SLC27A4: variants seen among roughly 807,000 people sequenced by gnomAD.
SLC27A4 encodes the protein solute carrier family 27 member 4.
Under a neutral mutation model 64.4 loss-of-function variants are expected in SLC27A4, and 33 were observed. The ratio of observed to expected loss-of-function variants is 0.51; its 90% CI spans 0.39 to 0.68. The LOEUF (loss-of-function observed/expected upper bound fraction) is 0.68. Ranked by LOEUF, SLC27A4 falls within the 30% of genes least tolerant of loss-of-function variation. SLC27A4 has a pLI of 0.00. For missense variants in SLC27A4, 824 were observed against 883.5 expected, an observed-to-expected ratio of 0.93 and a Z score of 0.85; for synonymous variants, 377 against 370.0, an observed-to-expected ratio of 1.02 and a Z score of -0.22.
Position 128,353,443 on chromosome 9 carries a change from T to C in SLC27A4, c.1226T>C (p.Ile409Thr). The C allele has an allele frequency of 1.2e-6, 2 of 1,614,160 alleles. No individual in the cohort carries two copies. Among genetic ancestry groups the C allele is most frequent in the Non-Finnish European group, 1.7e-6 (2 of 1,180,046 alleles). Reference sequence around the variant, plus strand: ...GGGGCCTGTGGTTTCAATAGCCGCATCCTGTCCTTCGTGTACCCCATCCGG... The same window carrying C: ...GGGGCCTGTGGTTTCAATAGCCGCACCCTGTCCTTCGTGTACCCCATCCGG... ...QVGACGFNSR[I>T]LSFVYPIRLV... The change falls in exon 9 of 13, where the codon ATC (isoleucine) becomes ACC (threonine). Residue 409 changes from isoleucine to threonine, a missense_variant. Ile to Thr is a moderately conservative substitution (Grantham distance 89). Coordinates refer to ENST00000300456, the MANE Select transcript of SLC27A4 (RefSeq NM_005094.4). The surrounding 1 kb of genome is among the most constrained non-coding windows in gnomAD (Gnocchi z 4.9).
intron 7 of SLC27A4, 65 bp from the exon 8 acceptor site, chr9:128,352,960 C>G: frequency 7.1e-7 from 1 of 1,403,376 alleles, no homozygotes; most frequent in African/African-American, 1.4e-5. Context: ...CTTGAGGGAT[C>G]AGGAGAATCC....
intron 6 of SLC27A4, among the ~76,000 whole-genome samples, chr9:128,350,916 A>G (rs1194207573): frequency 1.3e-5 from 2 of 152,156 alleles, no homozygotes; most frequent in African/African-American, 2.4e-5. Context: ...ACACGGTGAA[A>G]CCCCGTCTCT....
At chr9:128,340,871 TG>T in intron 1 of SLC27A4, 33 bp downstream of exon 1, 1 of 605,148 alleles carries the variant, frequency 1.7e-6, no homozygotes, top group Non-Finnish European at 3.1e-6. Flanking sequence ...GGTTCCCGGG[TG>T]GGGACATGTG....
chr9:128,346,212 G>C (rs1275023455), intron 3 of SLC27A4, among the ~76,000 whole-genome samples: 1 of 150,420 alleles, frequency 6.6e-6, no homozygotes, highest in Non-Finnish European at 1.5e-5. Context: ...ACTAAAAAAA[G>C]TTTTTTGTTT....
chr9:128,359,420 T>C lies in SLC27A4; in HGVS notation c.1775-914T>C, dbSNP rs542457431. On this transcript the variant is annotated intron_variant, in intron 12 of 12. Coordinates refer to ENST00000300456, the MANE Select transcript of SLC27A4 (RefSeq NM_005094.4). ...GGGTGGATCATCTGAGATCAGGAGTTCGAGACCAGCCTGACCAACATGGTG... is the reference window on the plus strand; with the variant it reads ...GGGTGGATCATCTGAGATCAGGAGTCCGAGACCAGCCTGACCAACATGGTG... Among the ~76,000 whole-genome samples the C allele has an allele frequency of 4.1e-4, 62 of 152,172 alleles. 1 individual carries two copies. The highest frequency in any genetic ancestry group is 1.4e-3 in the African/African-American group (58 of 41,504).
intron 12 of SLC27A4, among the ~76,000 whole-genome samples, chr9:128,356,445 A>G (rs769733218): frequency 2.5e-4 from 38 of 152,372 alleles, no homozygotes; most frequent in Non-Finnish European, 4.7e-4. Context: ...CCAGAAGCCC[A>G]GGGCCTTGCA....
intron 1 of SLC27A4, 68 bp from the exon 2 acceptor site, chr9:128,343,055 GCTGT>G (rs1832600177): frequency 3.8e-6 from 6 of 1,577,416 alleles, no homozygotes; most frequent in Non-Finnish European, 5.2e-6. Flanking sequence ...CAGTGGCCTG[GCTGT>G]CTGGGCTGGG....
Position 128,360,621 on chromosome 9 carries a change from C to G in SLC27A4, c.*130C>G. 2 of 905,528 alleles carry G rather than the reference C, an allele frequency of 2.2e-6. No individual in the cohort carries two copies. Among genetic ancestry groups the G allele is most frequent in the South Asian group, 3.0e-5 (2 of 66,804 alleles). 56.1% of individuals were successfully genotyped at this position (905,528 alleles called of 1,614,324 possible). A position where few individuals can be genotyped will look rare whatever the true frequency, so the allele number is the denominator to read the frequency against. On this transcript the variant is annotated 3_prime_UTR_variant, in exon 13 of 13. Coordinates refer to ENST00000300456, the MANE Select transcript of SLC27A4 (RefSeq NM_005094.4). Reference sequence around the variant, plus strand: ...ACCTCCATCCTGAGGTGCTGCCCCTCCATCCAAAACTGCCAAGTGACTCAT... The same window carrying G: ...ACCTCCATCCTGAGGTGCTGCCCCTGCATCCAAAACTGCCAAGTGACTCAT...
Position 128,353,439 on chromosome 9 carries a change from C to T in SLC27A4, c.1222C>T (p.Arg408Cys), listed in dbSNP as rs375523225. 58 of 1,614,042 alleles carry T rather than the reference C, an allele frequency of 3.6e-5. No homozygotes were observed. Among genetic ancestry groups the T allele is most frequent in the Middle Eastern group, 1.6e-4 (1 of 6,082 alleles). Residue 408 changes from arginine to cysteine, a missense_variant, in exon 9 of 13, where the codon CGC becomes TGC. Coordinates refer to ENST00000300456, the MANE Select transcript of SLC27A4 (RefSeq NM_005094.4). This position sits in a 1 kb window ranked among gnomAD's most constrained non-coding sequence, Gnocchi z 4.9. ...SQVGACGFNS[R>C]ILSFVYPIRL... Reference sequence around the variant, plus strand: ...GGTGGGGGCCTGTGGTTTCAATAGCCGCATCCTGTCCTTCGTGTACCCCAT... The same window carrying T: ...GGTGGGGGCCTGTGGTTTCAATAGCTGCATCCTGTCCTTCGTGTACCCCAT...
Position 128,360,321 on chromosome 9 carries a change from C to G in SLC27A4, c.1775-13C>G. The stretch of plus-strand genomic sequence containing the variant: ...CCCTGCCCTGCACTGAGTCTTCTTC[C>G]CTGCTCTCCCAGGAACCTACAAGTT... On this transcript the variant is annotated splice_polypyrimidine_tract_variant and intron_variant, in intron 12 of 12. Coordinates refer to ENST00000300456, the MANE Select transcript of SLC27A4 (RefSeq NM_005094.4). The G allele has an allele frequency of 6.2e-7, 1 of 1,614,014 alleles. No individual in the cohort carries two copies. The highest frequency in any genetic ancestry group is 8.5e-7 in the Non-Finnish European group (1 of 1,180,016).
intron 4 of SLC27A4, among the ~76,000 whole-genome samples, 175 bp from the exon 5 acceptor site, chr9:128,350,137 G>A (rs1378512077): frequency 2.0e-5 from 3 of 152,192 alleles, no homozygotes; most frequent in Non-Finnish European, 4.4e-5. Context: ...AATATTTGTT[G>A]GAATGGATGC....
rs142379484 is a variant in SLC27A4, at chr9:128,346,333, A to G, written c.556+784A>G. ...ACTGCAACCTCCACCTCCCGGGTTC[A>G]AGCAATTCTCCTGCCTCAGCCTCCT... is the stretch of plus-strand genomic sequence containing the variant. On this transcript the variant is annotated intron_variant, in intron 3 of 12. Coordinates refer to ENST00000300456, the MANE Select transcript of SLC27A4 (RefSeq NM_005094.4). 6.8e-4 allele frequency among the ~76,000 whole-genome samples: 103 copies of G among 151,950 alleles called. No homozygotes were observed. The East Asian group carries it at 0.013, about 19-fold the overall frequency.
At position 128,355,647 on chromosome 9, in the gene SLC27A4, C is replaced by A; in HGVS notation, c.1628-3C>A. The A allele has an allele frequency of 6.2e-7, 1 of 1,610,016 alleles. No individual in the cohort carries two copies. The highest frequency in any genetic ancestry group is 8.5e-7 in the Non-Finnish European group (1 of 1,180,014). ...TACTCAGTGTCTACCCTGCCACCCC[C>A]AGGAACCGAGGGCCGGGCCGGAATG... On this transcript the variant is annotated splice_region_variant and splice_polypyrimidine_tract_variant and intron_variant, in intron 11 of 12. Transcript: ENST00000300456.
chr9:128,342,166 G>T, intron 1 of SLC27A4: 1 of 1,209,312 alleles, frequency 8.3e-7, no homozygotes, highest in Non-Finnish European at 1.2e-6. Flanking sequence ...CAACTCGGTG[G>T]TGGCCACTGC....
At chr9:128,348,853 C>A in intron 4 of SLC27A4, 150 bp downstream of exon 4, 1 of 809,328 alleles carries the variant, frequency 1.2e-6, no homozygotes, top group Non-Finnish European at 2.0e-6. Context: ...AAAATGGTGA[C>A]AGTAAACCTG....
chr9:128,340,747 C>T lies in SLC27A4; in HGVS notation c.-98C>T. 2 of 649,708 alleles carry T rather than the reference C, an allele frequency of 3.1e-6. No homozygotes were observed. The highest frequency in any genetic ancestry group is 1.6e-5 in the South Asian group (1 of 61,058). 40.2% of individuals were successfully genotyped at this position (649,708 alleles called of 1,614,324 possible). A position where few individuals can be genotyped will look rare whatever the true frequency, so the allele number is the denominator to read the frequency against. ...AACCCTGCTGAGACCCGGCTCCGTGCGTCCAGGGGCGGCTAATGCCCCTCA... is the reference window on the plus strand; with the variant it reads ...AACCCTGCTGAGACCCGGCTCCGTGTGTCCAGGGGCGGCTAATGCCCCTCA... On this transcript the variant is annotated 5_prime_UTR_variant, in exon 1 of 13. Transcript: ENST00000300456.
rs769493917 is a variant in SLC27A4, at chr9:128,348,625, C to G, written c.637C>G (p.Pro213Ala). ...SGSWEPGAVP[P>A]STEHLDPLLK... is the part of the protein sequence containing the mutation. ...CTCCTGGGAGCCCGGTGCGGTGCCTCCAAGCACAGAACACCTGGACCCTCT... is the reference window on the plus strand; with the variant it reads ...CTCCTGGGAGCCCGGTGCGGTGCCTGCAAGCACAGAACACCTGGACCCTCT... The change falls in exon 4 of 13, where the codon CCA (proline) becomes GCA (alanine). Residue 213 changes from proline to alanine, a missense_variant. Coordinates refer to ENST00000300456, the MANE Select transcript of SLC27A4 (RefSeq NM_005094.4). 72 of 1,613,820 alleles carry G rather than the reference C, an allele frequency of 4.5e-5. 1 individual carries two copies. In the South Asian group the frequency reaches 7.8e-4, roughly 17 times the overall value.
Position 128,343,252 on chromosome 9 carries a change from C to G in SLC27A4, c.120C>G (p.Arg40=), listed in dbSNP as rs757595854. 1.4e-5 allele frequency: 22 copies of G among 1,614,164 alleles called. No homozygotes were observed. The highest frequency in any genetic ancestry group is 1.8e-5 in the Non-Finnish European group (21 of 1,180,026). Residue 40 remains arginine (R), a synonymous_variant, in exon 2 of 13, where the codon CGC becomes CGG. Coordinates refer to ENST00000300456, the MANE Select transcript of SLC27A4 (RefSeq NM_005094.4). ...TCTACTTGGGATCTGGCGGCTGGCGCTTCATCCGGGTCTTCATCAAGACCA... is the reference window on the plus strand; with the variant it reads ...TCTACTTGGGATCTGGCGGCTGGCGGTTCATCCGGGTCTTCATCAAGACCA... ...LFLYLGSGGW[R]FIRVFIKTIR... is the part of the protein sequence containing the mutation.
intron 12 of SLC27A4, among the ~76,000 whole-genome samples, chr9:128,359,539 C>A (rs1223562432): frequency 2.6e-5 from 4 of 152,216 alleles, no homozygotes; most frequent in Non-Finnish European, 5.9e-5. Flanking sequence ...GCAGGAGAAT[C>A]GCCTGAACCC....
Sources: gnomAD v4.1 joint callset for allele counts (sites outside exome capture counted in the v4.1 genomes callset) on GRCh38, gnomAD v4.1.1 for gene constraint, Gnocchi (gnomAD v3.1) non-coding constraint, MANE v1.5 for transcripts, NCBI Gene and HGNC (gene_info 2026-07-23, HGNC 2026-07-21) for gene names.